EXOC6: variants seen among roughly 807,000 people sequenced by gnomAD.
The protein encoded by EXOC6 is SEC15-like 1.
A neutral mutation model predicts 112.5 loss-of-function variants in EXOC6; 60 were observed. The ratio of observed to expected loss-of-function variants is 0.53; its 90% CI spans 0.43 to 0.66. The LOEUF is 0.66. Ranked by LOEUF, EXOC6 falls within the 30% of genes least tolerant of loss-of-function variation. EXOC6 has a pLI of 0.00. For synonymous variants in EXOC6, 295 were observed against 308.0 expected (o/e 0.96, Z 0.44); for missense variants, 855 against 957.1 (o/e 0.89, Z 1.41).
At chr10:92,906,926 T>G (rs1444819372) in intron 5 of EXOC6, among the ~76,000 whole-genome samples, 1 of 152,170 alleles carries the variant, frequency 6.6e-6, no homozygotes, top group Non-Finnish European at 1.5e-5. Context: ...ATTATGTGTA[T>G]CTAAAGGAGA....
chr10:93,014,142 T>C (rs1844388665), intron 19 of EXOC6, 52 bp from the exon 20 acceptor site: 5 of 1,322,626 alleles, frequency 3.8e-6, no homozygotes, highest in Middle Eastern at 1.8e-4. Flanking sequence ...AGTTAAACTC[T>C]TGTATATTTT....
At chr10:92,916,146 A>T in intron 7 of EXOC6, 1 of 328,042 alleles carries the variant, frequency 3.0e-6, no homozygotes. Flanking sequence ...ATCACAATAA[A>T]TTTTTTGAAA....
chr10:92,993,236 T>C (rs1843344191), intron 18 of EXOC6, among the ~76,000 whole-genome samples: 1 of 152,126 alleles, frequency 6.6e-6, no homozygotes, highest in Admixed American at 6.5e-5. Flanking sequence ...TACAATATAT[T>C]TGAGTCTGTG....
At chr10:93,049,642 A>T (rs1846186916) in intron 20 of EXOC6, among the ~76,000 whole-genome samples, 1 of 152,086 alleles carries the variant, frequency 6.6e-6, no homozygotes. Context: ...CCTGGAGTAC[A>T]GTTCATTGCT....
At chr10:92,919,834 G>C (rs966238343) in intron 7 of EXOC6, 148 bp from the exon 8 acceptor site, 5 of 513,670 alleles carry the variant, frequency 9.7e-6, no homozygotes, top group African/African-American at 7.9e-5. Flanking sequence ...AAGGTTTTGC[G>C]TTTATAGTGT....
upstream of EXOC6, among the ~76,000 whole-genome samples, chr10:92,845,249 C>T (rs1453329350): frequency 1.3e-5 from 2 of 152,164 alleles, no homozygotes; most frequent in African/African-American, 4.8e-5. Context: ...TCAGTGCAGA[C>T]GTTAAATCAT....
chr10:92,965,063 G>A (rs548516114), intron 17 of EXOC6, among the ~76,000 whole-genome samples: 3 of 152,282 alleles, frequency 2.0e-5, no homozygotes, highest in African/African-American at 7.2e-5. Flanking sequence ...TTGGAGCTAG[G>A]TATCAGTTCA....
At chr10:92,869,949 C>CTTTTTT (rs34082304) in intron 1 of EXOC6, among the ~76,000 whole-genome samples, 1 of 100,014 alleles carries the variant, frequency 1.0e-5, no homozygotes, top group African/African-American at 3.8e-5. Context: ...GGCTTGTGGG[C>CTTTTTT]TTTTTTTTTT....
intron 1 of EXOC6, among the ~76,000 whole-genome samples, chr10:92,872,733 C>T (rs1354544199): frequency 6.6e-6 from 1 of 150,826 alleles, no homozygotes; most frequent in Non-Finnish European, 1.5e-5. Context: ...TAGTCTTTAG[C>T]ATTGTAAATC....
intron 3 of EXOC6, 24 bp downstream of exon 3, chr10:92,894,865 G>T (rs1353263310): frequency 3.1e-6 from 5 of 1,611,686 alleles, no homozygotes; most frequent in Non-Finnish European, 4.2e-6. Context: ...ACTTTTCTGG[G>T]TATTCAGTAT....
intron 20 of EXOC6, among the ~76,000 whole-genome samples, chr10:93,037,658 T>G (rs934724293): frequency 1.3e-5 from 2 of 151,934 alleles, no homozygotes; most frequent in Non-Finnish European, 2.9e-5. Flanking sequence ...CAGGCTGGTC[T>G]CAAACTCCTG....
chr10:92,837,711 G>A (rs1185223019), intron 1 of EXOC6, among the ~76,000 whole-genome samples: 1 of 152,118 alleles, frequency 6.6e-6, no homozygotes. Flanking sequence ...AAGCTATAAG[G>A]GTTGAGAGGG....
At chr10:92,984,613 C>T (rs868670086) in intron 18 of EXOC6, among the ~76,000 whole-genome samples, 1 of 152,006 alleles carries the variant, frequency 6.6e-6, no homozygotes, top group Non-Finnish European at 1.5e-5. Flanking sequence ...AATAACTCTC[C>T]CACAAAAGGG....
chr10:92,848,739 C>T, intron 1 of EXOC6, 105 bp downstream of exon 1: 1 of 944,154 alleles, frequency 1.1e-6, no homozygotes, highest in South Asian at 4.7e-5. Context: ...AGCTCCCCGA[C>T]AGGTGGTGCG....
At chr10:92,974,925 C>T (rs1156892144) in intron 18 of EXOC6, among the ~76,000 whole-genome samples, 3 of 152,212 alleles carry the variant, frequency 2.0e-5, no homozygotes, top group Non-Finnish European at 4.4e-5. Context: ...ACAACCTCCA[C>T]CTCCCAGCCA....
chr10:92,870,505 T>C (rs1175980651), intron 1 of EXOC6, among the ~76,000 whole-genome samples: 1 of 152,174 alleles, frequency 6.6e-6, no homozygotes. Flanking sequence ...GCTCTTTCAG[T>C]GTGTTTTTGA....
At chr10:92,874,588 A>C (rs572184290) in intron 1 of EXOC6, among the ~76,000 whole-genome samples, 7 of 152,276 alleles carry the variant, frequency 4.6e-5, no homozygotes, top group African/African-American at 1.7e-4. Flanking sequence ...CCACACATGC[A>C]CACCCATGTG....
At chr10:92,997,023 A>C (rs1843525950) in intron 18 of EXOC6, among the ~76,000 whole-genome samples, 1 of 152,180 alleles carries the variant, frequency 6.6e-6, no homozygotes, top group Non-Finnish European at 1.5e-5. Context: ...AAATAGCAAT[A>C]ATAGTAAATT....
chr10:92,862,781 A>G (rs112865540), intron 1 of EXOC6, among the ~76,000 whole-genome samples: 2 of 152,290 alleles, frequency 1.3e-5, no homozygotes, highest in African/African-American at 4.8e-5. Context: ...TCATTAGTTG[A>G]TGAACATTTG....
Sources: allele counts gnomAD v4.1 joint callset (sites outside exome capture counted in the v4.1 genomes callset), GRCh38; gene constraint gnomAD v4.1.1; transcripts MANE v1.5; gene names NCBI Gene and HGNC (gene_info 2026-07-23, HGNC 2026-07-21).